YAF2: variants seen among roughly 807,000 people sequenced by gnomAD.
YAF2 encodes the protein YY1-associated factor 2.
A neutral mutation model predicts 20.1 loss-of-function variants in YAF2; 7 were observed. The ratio of observed to expected loss-of-function variants is 0.35; its 90% confidence interval spans 0.20 to 0.65. The LOEUF (loss-of-function observed/expected upper bound fraction) is 0.65, where lower values mean the gene tolerates loss of function less well. Among genes scored for constraint, YAF2 ranks in the 30% least tolerant of loss-of-function variants. The probability of loss-of-function intolerance (pLI) is 0.69; values close to 1 mark genes in which losing one functional copy is unlikely to be tolerated. For synonymous variants in YAF2, 74 were observed against 76.0 expected (o/e 0.97, Z 0.14); for missense variants, 151 against 219.2 (o/e 0.69, Z 1.96).
chr12:42,207,602 G>T (rs1193221487), intron 2 of YAF2, among the ~76,000 whole-genome samples: 1 of 152,086 alleles, frequency 6.6e-6, no homozygotes, highest in East Asian at 1.9e-4. Flanking sequence ...TAAAAAACTG[G>T]TAAGTGTAGG....
intron 2 of YAF2, among the ~76,000 whole-genome samples, chr12:42,163,633 T>C (rs1348974139): frequency 6.6e-6 from 1 of 152,250 alleles, no homozygotes; most frequent in Non-Finnish European, 1.5e-5. Context: ...ATGTGAAGGT[T>C]GATTTTCACT....
chr12:42,216,137 C>G (rs2067351743), intron 2 of YAF2, among the ~76,000 whole-genome samples: 1 of 151,950 alleles, frequency 6.6e-6, no homozygotes, highest in Non-Finnish European at 1.5e-5. Context: ...TAATTATATC[C>G]TTGGGAAACA....
chr12:42,236,108 A>G (rs2068146905), intron 2 of YAF2: 1 of 1,401,196 alleles, frequency 7.1e-7, no homozygotes, highest in Non-Finnish European at 9.4e-7. Flanking sequence ...GATCAAGATT[A>G]TAATTGTTTC....
intron 2 of YAF2, among the ~76,000 whole-genome samples, chr12:42,179,832 G>A (rs1466650890): frequency 6.8e-6 from 1 of 147,852 alleles, no homozygotes; most frequent in Non-Finnish European, 1.5e-5. Context: ...ATTAAAAGAT[G>A]TTATTTGATT....
chr12:42,196,858 C>T (rs889391021), intron 2 of YAF2, among the ~76,000 whole-genome samples: 3 of 152,142 alleles, frequency 2.0e-5, no homozygotes, highest in Non-Finnish European at 4.4e-5. Context: ...CCGATACCAC[C>T]AGTCATTTGA....
chr12:42,166,184 A>T (rs912410484), intron 2 of YAF2, among the ~76,000 whole-genome samples: 6 of 152,184 alleles, frequency 3.9e-5, no homozygotes, highest in Admixed American at 6.5e-5. Context: ...AAGTGCTGGG[A>T]TTACAGGCAT....
At chr12:42,228,298 G>T (rs1158043193) in intron 2 of YAF2, among the ~76,000 whole-genome samples, 1 of 65,846 alleles carries the variant, frequency 1.5e-5, no homozygotes, top group Non-Finnish European at 2.7e-5. Flanking sequence ...AGGGAGGTGG[G>T]GGGGGGTCAG....
At chr12:42,201,265 G>A (rs2066891868) in intron 2 of YAF2, among the ~76,000 whole-genome samples, 1 of 152,150 alleles carries the variant, frequency 6.6e-6, no homozygotes, top group African/African-American at 2.4e-5. Context: ...CTAGATAACA[G>A]AGTATGCACA....
intron 2 of YAF2, chr12:42,235,177 CACAA>C: frequency 1.0e-6 from 1 of 990,402 alleles, no homozygotes; most frequent in Non-Finnish European, 1.2e-6. Context: ...CTGTGCGTCA[CACAA>C]ACAAATCATT....
intron 2 of YAF2, among the ~76,000 whole-genome samples, chr12:42,166,893 G>T (rs773963460): frequency 7.3e-5 from 11 of 150,194 alleles, no homozygotes; most frequent in African/African-American, 1.9e-4. Flanking sequence ...GTACTTTCTG[G>T]GAAGATGATA....
chr12:42,160,412 T>G lies in YAF2; in HGVS notation c.*177A>C, dbSNP rs1432575376. ...ACCAAAATGTTAAGTCTGGAAATGT[T>G]TGGTAGGCATCATTGCAATAAAATC... is the stretch of plus-strand genomic sequence containing the variant. On this transcript the variant is annotated 3_prime_UTR_variant, in exon 4 of 4. Transcript: ENST00000534854. 5.1e-6 allele frequency: 3 copies of G among 585,160 alleles called. No individual in the cohort carries two copies. Among genetic ancestry groups the G allele is most frequent in the Non-Finnish European group, 8.9e-6 (3 of 335,942 alleles). 36.2% of individuals were successfully genotyped at this position (585,160 alleles called of 1,614,324 possible).
At chr12:42,187,909 C>A (rs1318138158) in intron 2 of YAF2, among the ~76,000 whole-genome samples, 1 of 152,154 alleles carries the variant, frequency 6.6e-6, no homozygotes, top group Non-Finnish European at 1.5e-5. Context: ...ATCATTCACT[C>A]TGGGGGAAGC....
At chr12:42,165,075 AAAAAG>A (rs1296000252) in intron 2 of YAF2, among the ~76,000 whole-genome samples, 5 of 151,808 alleles carry the variant, frequency 3.3e-5, no homozygotes, top group African/African-American at 4.8e-5. Flanking sequence ...AAAAAAAAAA[AAAAAG>A]AAAAGAAACT....
At chr12:42,232,580 A>T in intron 2 of YAF2, 1 of 985,440 alleles carries the variant, frequency 1.0e-6, no homozygotes, top group Middle Eastern at 5.2e-4. Flanking sequence ...CTCCTCAGAT[A>T]GACAGGAGGC....
chr12:42,225,561 G>A (rs2067665504), intron 2 of YAF2, among the ~76,000 whole-genome samples: 1 of 152,184 alleles, frequency 6.6e-6, no homozygotes, highest in African/African-American at 2.4e-5. Context: ...TGTGTAAAGT[G>A]TAAGGAAGGG....
intron 2 of YAF2, among the ~76,000 whole-genome samples, chr12:42,192,703 G>A (rs968174364): frequency 6.6e-6 from 1 of 152,178 alleles, no homozygotes; most frequent in Non-Finnish European, 1.5e-5. Context: ...CTGACAAATG[G>A]TAGAGATAGA....
intron 2 of YAF2, among the ~76,000 whole-genome samples, chr12:42,221,050 A>T (rs2067496977): frequency 6.6e-6 from 1 of 152,192 alleles, no homozygotes; most frequent in South Asian, 2.1e-4. Flanking sequence ...AATATTAGTA[A>T]ATATAGGAAA....
chr12:42,220,164 C>T (rs2067473318), intron 2 of YAF2, among the ~76,000 whole-genome samples: 2 of 152,066 alleles, frequency 1.3e-5, no homozygotes, highest in Non-Finnish European at 1.5e-5. Context: ...ATTTTAAATG[C>T]TAATACCTAT....
chr12:42,202,589 C>T (rs1356679620), intron 2 of YAF2, among the ~76,000 whole-genome samples: 1 of 152,138 alleles, frequency 6.6e-6, no homozygotes, highest in South Asian at 2.1e-4. Flanking sequence ...TTATGCATAA[C>T]AGTTTGTTCT....
Sources: allele counts gnomAD v4.1 joint callset (sites outside exome capture counted in the v4.1 genomes callset), GRCh38; gene constraint gnomAD v4.1.1; transcripts MANE v1.5; gene names NCBI Gene and HGNC (gene_info 2026-07-23, HGNC 2026-07-21).